The following MATR3 variants were observed in gnomAD, a reference collection of about 807,000 sequenced individuals.
The protein encoded by MATR3 is matrin 3.
In MATR3, 4 loss-of-function variants were observed where a neutral mutation model predicts 85.5. That is an observed-to-expected ratio of 0.05 (90% CI 0.02 to 0.11). The LOEUF is 0.11. MATR3 is among the 10% of genes least tolerant of loss of function. The pLI is 1.00. For synonymous variants in MATR3, 336 were observed against 343.1 expected, an observed-to-expected ratio of 0.98 and a Z score of 0.23; for missense variants, 685 against 1,016.1, an observed-to-expected ratio of 0.67 and a Z score of 4.43.
Position 139,293,817 on chromosome 5 carries a change from G to A in MATR3, c.-178+12G>A. ...TCCCTTTCCCTAAGGTAGGCGTGAA[G>A]CGGGTAAGAGTCGGGGTCGGGTGGC... is the stretch of plus-strand genomic sequence containing the variant. On this transcript the variant is annotated intron_variant, in intron 1 of 14. Transcript: ENST00000394805. 1 of 410,710 alleles carries A rather than the reference G, an allele frequency of 2.4e-6. No individual in the cohort carries two copies. The highest frequency in any genetic ancestry group is 4.2e-6 in the Non-Finnish European group (1 of 237,482). 25.4% of individuals were successfully genotyped at this position (410,710 alleles called of 1,614,324 possible). A position where few individuals can be genotyped will look rare whatever the true frequency, so the allele number is the denominator to read the frequency against.
chr5:139,327,757 G>C (rs1035909391), intron 14 of MATR3, among the ~76,000 whole-genome samples: 4 of 152,044 alleles, frequency 2.6e-5, no homozygotes, highest in Non-Finnish European at 4.4e-5. Context: ...ATTTTAAGCT[G>C]TTTGGGGTCA....
upstream of MATR3, among the ~76,000 whole-genome samples, chr5:139,289,105 C>T (rs758644541): frequency 8.2e-4 from 125 of 152,324 alleles, no homozygotes; most frequent in Admixed American, 2.0e-3. Flanking sequence ...AAGCCCCAGC[C>T]CTTGATGAAT....
At chr5:139,324,352 G>A (rs1271676067) in intron 12 of MATR3, among the ~76,000 whole-genome samples, 1 of 146,172 alleles carries the variant, frequency 6.8e-6, no homozygotes, top group Non-Finnish European at 1.5e-5. Context: ...GGAGTGCGGT[G>A]GTGTGATCTC....
intron 1 of MATR3, among the ~76,000 whole-genome samples, chr5:139,275,341 AC>A (rs1745382901): frequency 6.6e-6 from 1 of 151,898 alleles, no homozygotes; most frequent in African/African-American, 2.4e-5. Flanking sequence ...AGGTCTTGGC[AC>A]GACTACTGCC....
rs1285269716 is a variant in MATR3, at chr5:139,329,567, C to T, written c.*172C>T. On this transcript the variant is annotated 3_prime_UTR_variant, in exon 15 of 15. Transcript: ENST00000394805. The stretch of plus-strand genomic sequence containing the variant: ...GTTAAGTGTTATAGCAAAAAAAATA[C>T]ACATATGGTTAAGTTAATGAATAGT... 1.6e-6 allele frequency: 1 copy of T among 636,122 alleles called. No homozygotes were observed. Among genetic ancestry groups the T allele is most frequent in the Non-Finnish European group, 2.9e-6 (1 of 350,660 alleles). 39.4% of individuals were successfully genotyped at this position (636,122 alleles called of 1,614,324 possible).
chr5:139,287,205 T>G (rs1753733733), intron 3 of MATR3, among the ~76,000 whole-genome samples: 1 of 152,262 alleles, frequency 6.6e-6, no homozygotes, highest in Non-Finnish European at 1.5e-5. Context: ...ATAATATATT[T>G]TAATGGATTT....
At position 139,301,677 on chromosome 5, in the gene MATR3, A is replaced by G. The variant is rs544247719; in HGVS notation, c.-177-5562A>G. The stretch of plus-strand genomic sequence containing the variant: ...TTTGCTTAAGCAGAGAAGAAAGTAA[A>G]GAGCCAAGTTTATGTCGTAGTTCAA... On this transcript the variant is annotated intron_variant, in intron 1 of 14. Coordinates refer to ENST00000394805, the MANE Select transcript of MATR3 (RefSeq NM_018834.6). 2.0e-5 allele frequency among the ~76,000 whole-genome samples: 3 copies of G among 152,306 alleles called. No individual in the cohort carries two copies. The South Asian group carries it at 6.2e-4, about 32-fold the overall frequency.
rs776260389 is a variant in MATR3, at chr5:139,322,048, G to T, written c.1734+19G>T. On this transcript the variant is annotated intron_variant, in intron 10 of 14. Coordinates refer to ENST00000394805, the MANE Select transcript of MATR3 (RefSeq NM_018834.6). Reference sequence around the variant, plus strand: ...TCTGAGGGTATGTAGTATTTGATTTGTCATCATTTAACAGCTTGTTTTTAC... The same window carrying T: ...TCTGAGGGTATGTAGTATTTGATTTTTCATCATTTAACAGCTTGTTTTTAC... 1 of 1,613,174 alleles carries T rather than the reference G, an allele frequency of 6.2e-7. No individual in the cohort carries two copies. The highest frequency in any genetic ancestry group is 1.3e-5 in the African/African-American group (1 of 74,868).
In MATR3 at chr5:139,311,750, C is replaced by CTTTTTTTTTTTTTTTT. The variant is rs552172719; in HGVS notation, c.913-2905_913-2890dup. The CTTTTTTTTTTTTTTTT allele has an allele frequency of 2.3e-4, 15 of 65,234 alleles. 1 individual carries two copies. The highest frequency in any genetic ancestry group is 8.0e-4 in the East Asian group (1 of 1,250). The allele number at this position is 65,234 out of a possible 1,614,324, so 4.0% of individuals were successfully genotyped here. On this transcript the variant is annotated intron_variant, in intron 2 of 14. Coordinates refer to ENST00000394805, the MANE Select transcript of MATR3 (RefSeq NM_018834.6). ...TTAATTGGTATTTGTTTAATTAATC[C>CTTTTTTTTTTTTTTTT]TTTTTTTTTTTTTTTTTTTTTTTTT...
intron 3 of MATR3, chr5:139,283,187 G>A (rs1158611733): frequency 6.6e-6 from 1 of 152,280 alleles, no homozygotes; most frequent in East Asian, 1.9e-4. Context: ...GAGAAGCCAA[G>A]CCCAGAACTA....
chr5:139,314,547 T>C, intron 2 of MATR3, 128 bp from the exon 3 acceptor site: 2 of 732,396 alleles, frequency 2.7e-6, no homozygotes, highest in Admixed American at 2.1e-5. Context: ...CAATGTGATT[T>C]AGTGAATGGG....
chr5:139,327,971 C>T (rs191082198), intron 14 of MATR3, among the ~76,000 whole-genome samples: 50 of 152,084 alleles, frequency 3.3e-4, no homozygotes, highest in Admixed American at 2.6e-3. Flanking sequence ...AAGCAATTCT[C>T]CTGCCTCAGG....
rs1223549494 is a variant in MATR3 at position 139,329,995 on chromosome 5, T to C, written c.*600T>C. 2.2e-6 allele frequency: 1 copy of C among 452,862 alleles called. No homozygotes were observed. Among genetic ancestry groups the C allele is most frequent in the Non-Finnish European group, 4.4e-6 (1 of 225,906 alleles). 28.1% of individuals were successfully genotyped at this position (452,862 alleles called of 1,614,324 possible). A position where few individuals can be genotyped will look rare whatever the true frequency, so the allele number is the denominator to read the frequency against. ...AATTGGCTTTAGATTTTGTAATTTTTTTCCCTGAGTTCCTGCTAGATTTCG... is the reference window on the plus strand; with the variant it reads ...AATTGGCTTTAGATTTTGTAATTTTCTTCCCTGAGTTCCTGCTAGATTTCG... On this transcript the variant is annotated 3_prime_UTR_variant, in exon 15 of 15. Transcript: ENST00000394805.
At chr5:139,296,918 C>G (rs973287919) in intron 1 of MATR3, among the ~76,000 whole-genome samples, 7 of 152,148 alleles carry the variant, frequency 4.6e-5, no homozygotes, top group Non-Finnish European at 1.0e-4. Flanking sequence ...GCCCGTGATC[C>G]CAGCACATTA....
chr5:139,276,288 C>A (rs1288016612), intron 2 of MATR3: 2 of 449,706 alleles, frequency 4.4e-6, no homozygotes, highest in South Asian at 3.1e-5. Context: ...TTCATGCCAA[C>A]TCTTGTGTTG....
chr5:139,292,028 C>A (rs1408851577), upstream of MATR3: 5 of 146,070 alleles, frequency 3.4e-5, 1 homozygote, highest in African/African-American at 2.5e-5. Flanking sequence ...CTCACGGCAA[C>A]CTCCGCCTCC....
chr5:139,282,995 T>A (rs181032771), intron 3 of MATR3: 21 of 152,440 alleles, frequency 1.4e-4, no homozygotes, highest in Admixed American at 1.3e-3. Flanking sequence ...CGTGCCCGGC[T>A]GCCTCCTAAA....
rs760698067 is a variant in MATR3 at position 139,317,234 on chromosome 5, GT to G, written c.1182+134del. On this transcript the variant is annotated intron_variant, in intron 6 of 14. Transcript: ENST00000394805. ...ATTGCTGTAATTTGAAAACAATCAC[GT>G]TTTTCTATGGCTTTGATAACAGTTA... is the stretch of plus-strand genomic sequence containing the variant. 7 of 947,872 alleles carry G rather than the reference GT, an allele frequency of 7.4e-6. No individual in the cohort carries two copies. In the East Asian group the frequency reaches 1.1e-4, roughly 14 times the overall value. 58.7% of individuals were successfully genotyped at this position (947,872 alleles called of 1,614,324 possible).
At chr5:139,285,668 C>T (rs548812744) in intron 3 of MATR3, among the ~76,000 whole-genome samples, 2 of 151,584 alleles carry the variant, frequency 1.3e-5, no homozygotes, top group African/African-American at 2.4e-5. Flanking sequence ...AGTGAAACTC[C>T]GTCTCAAAAA....
Sources: allele counts gnomAD v4.1 joint callset (sites outside exome capture counted in the v4.1 genomes callset), GRCh38; gene constraint gnomAD v4.1.1; transcripts MANE v1.5; gene names NCBI Gene and HGNC (gene_info 2026-07-23, HGNC 2026-07-21).